NALCN: variants seen among roughly 807,000 people sequenced by gnomAD.
The protein encoded by NALCN is sodium leak channel NALCN.
A neutral mutation model predicts 225.3 loss-of-function variants in NALCN; 111 were observed. The observed-to-expected ratio is 0.49, with a 90% CI of 0.42 to 0.58. The LOEUF (loss-of-function observed/expected upper bound fraction) is 0.58, where lower values mean the gene tolerates loss of function less well. Among genes scored for constraint, NALCN ranks in the 20% least tolerant of loss-of-function variants. The pLI is 0.00. For synonymous variants in NALCN, 764 were observed against 769.0 expected (o/e 0.99, Z 0.11); for missense variants, 1,378 against 2,202.4 (o/e 0.63, Z 7.49).
chr13:101,210,331 G>T (rs1258395405), intron 13 of NALCN, among the ~76,000 whole-genome samples: 2 of 152,038 alleles, frequency 1.3e-5, no homozygotes. Context: ...GCAGAAGTAG[G>T]CATTTTAGTC....
rs1376297791 is a variant in NALCN at position 101,089,420 on chromosome 13, C to T, written c.3489+243G>A. On this transcript the variant is annotated intron_variant, in intron 30 of 43. Transcript: ENST00000251127. The surrounding 1 kb of genome is among the most constrained non-coding windows in gnomAD (Gnocchi z 4.7). Reference sequence around the variant, plus strand: ...TTTGAACAATAGGAGACGCGCCTCTCAGTTGTCGGTGAATTAATGACACTG... The same window carrying T: ...TTTGAACAATAGGAGACGCGCCTCTTAGTTGTCGGTGAATTAATGACACTG... Among the ~76,000 whole-genome samples the T allele has an allele frequency of 6.6e-6, 1 of 152,196 alleles. No homozygotes were observed. Among genetic ancestry groups the T allele is most frequent in the African/African-American group, 2.4e-5 (1 of 41,464 alleles).
Position 101,283,939 on chromosome 13 carries a change from G to A in NALCN, c.1128C>T (p.Cys376=). 1 of 1,610,948 alleles carries A rather than the reference G, an allele frequency of 6.2e-7. No homozygotes were observed. The highest frequency in any genetic ancestry group is 8.5e-7 in the Non-Finnish European group (1 of 1,179,084). Residue 376 remains cysteine, a synonymous_variant, in exon 10 of 44, where the codon TGC becomes TGT. Coordinates refer to ENST00000251127, the MANE Select transcript of NALCN (RefSeq NM_052867.4). ...AAATGTCATTGTACTGCACCTGGAG[G>A]CAGGCTGGGGCGCGTCCCTGGGGCT... ...VNKPQGRAPA[C]LQKMMRSSVF... is the part of the protein sequence containing the mutation.
At chr13:101,169,804 T>G (rs1249284206) in intron 15 of NALCN, among the ~76,000 whole-genome samples, 9 of 152,212 alleles carry the variant, frequency 5.9e-5, no homozygotes, top group African/African-American at 2.2e-4. Flanking sequence ...CTTTAATATT[T>G]AGGATTAAAT....
intron 20 of NALCN, 105 bp downstream of exon 20, chr13:101,110,514 A>G (rs1339745077): frequency 1.7e-6 from 2 of 1,203,320 alleles, no homozygotes; most frequent in African/African-American, 1.5e-5. Flanking sequence ...AGTCTTAAGG[A>G]GACATGGGAA....
At chr13:101,191,511 T>A (rs1175908189) in intron 14 of NALCN, among the ~76,000 whole-genome samples, 1 of 152,196 alleles carries the variant, frequency 6.6e-6, no homozygotes, top group East Asian at 1.9e-4. Flanking sequence ...ATAGCTTCTG[T>A]CTTCAGTTTA....
At chr13:101,082,665 A>T (rs1404964786) in intron 33 of NALCN, 144 bp downstream of exon 33, 6 of 783,370 alleles carry the variant, frequency 7.7e-6, no homozygotes, top group East Asian at 5.0e-5. Context: ...GTTAAGCAGA[A>T]CCGCTTAAGT....
At chr13:101,250,485 T>C (rs1241136881) in intron 11 of NALCN, among the ~76,000 whole-genome samples, 1 of 152,020 alleles carries the variant, frequency 6.6e-6, no homozygotes, top group Non-Finnish European at 1.5e-5. Flanking sequence ...AAACCTGATA[T>C]ATGACAGAAA....
chr13:101,278,288 G>A lies in NALCN; in HGVS notation c.1134+5645C>T, dbSNP rs368664985. Among the ~76,000 whole-genome samples the A allele has an allele frequency of 3.9e-5, 6 of 152,194 alleles. No individual in the cohort carries two copies. The East Asian group carries it at 7.7e-4, about 20-fold the overall frequency. On this transcript the variant is annotated intron_variant, in intron 10 of 43. Coordinates refer to ENST00000251127, the MANE Select transcript of NALCN (RefSeq NM_052867.4). ...ACCTGTAATCCCAGCACTTTGGGAG[G>A]CCGAGGTGGGCGGATCATGAGGTCA...
chr13:101,163,374 G>A (rs2038282615), intron 15 of NALCN, among the ~76,000 whole-genome samples: 1 of 152,110 alleles, frequency 6.6e-6, no homozygotes, highest in African/African-American at 2.4e-5. Context: ...CATGGTAAGA[G>A]AGATCATGCT....
At position 101,368,301 on chromosome 13, in the gene NALCN, A is replaced by G. The variant is rs533561499; in HGVS notation, c.644+8399T>C. On this transcript the variant is annotated intron_variant, in intron 6 of 43. Coordinates refer to ENST00000251127, the MANE Select transcript of NALCN (RefSeq NM_052867.4). ...AGTTTACTGAGAATGATGATTTCCAATTTCATCCACGTCCCTACCAAGGAC... is the reference window on the plus strand; with the variant it reads ...AGTTTACTGAGAATGATGATTTCCAGTTTCATCCACGTCCCTACCAAGGAC... Among the ~76,000 whole-genome samples the G allele has an allele frequency of 8.6e-5, 13 of 151,794 alleles. No homozygotes were observed. In the East Asian group the frequency reaches 2.5e-3, roughly 30 times the overall value.
At chr13:101,217,008 C>A (rs1594457275) in intron 13 of NALCN, among the ~76,000 whole-genome samples, 1 of 152,176 alleles carries the variant, frequency 6.6e-6, no homozygotes, top group East Asian at 1.9e-4. Context: ...ATTTATACAA[C>A]CGCTAAACAT....
intron 13 of NALCN, among the ~76,000 whole-genome samples, chr13:101,221,407 C>A (rs912795467): frequency 2.0e-5 from 3 of 152,122 alleles, no homozygotes; most frequent in Non-Finnish European, 4.4e-5. Context: ...ATGAGCCCTG[C>A]ACCTGGCCAA....
At position 101,055,328 on chromosome 13, in the gene NALCN, G is replaced by T; in HGVS notation, c.5184C>A (p.Ser1728Arg). Residue 1728 changes from serine (S) to arginine (R), a missense_variant, in exon 44 of 44, where the codon AGC becomes AGA. Around this residue, in one of 19 missense-constraint regions of NALCN, gnomAD observed 145 missense variants for 169.6 expected, o/e 0.85. Transcript: ENST00000251127. The stretch of plus-strand genomic sequence containing the variant: ...CCAGAAGGTCATCCCCACTTTCGTC[G>T]CTCTCCACAGTCAGCTGCCGGGTCC... Reference protein sequence around the residue: ...KWWTRQLTVESDESGDDLLDI With the variant: ...KWWTRQLTVERDESGDDLLDI 6.2e-7 allele frequency: 1 copy of T among 1,613,362 alleles called. No homozygotes were observed. The highest frequency in any genetic ancestry group is 8.5e-7 in the Non-Finnish European group (1 of 1,179,686).
intron 18 of NALCN, among the ~76,000 whole-genome samples, chr13:101,117,241 C>T (rs778984456): frequency 5.3e-5 from 8 of 152,170 alleles, no homozygotes; most frequent in Non-Finnish European, 1.2e-4. Flanking sequence ...ATCTTACGCA[C>T]TTATACCCAT....
intron 7 of NALCN, among the ~76,000 whole-genome samples, chr13:101,329,897 G>C (rs1039151454): frequency 6.6e-6 from 1 of 151,636 alleles, no homozygotes; most frequent in Non-Finnish European, 1.5e-5. Flanking sequence ...AAATTAGCCG[G>C]GCGTGGTGGC....
At chr13:101,123,050 G>A (rs889599906) in intron 18 of NALCN, among the ~76,000 whole-genome samples, 1 of 152,178 alleles carries the variant, frequency 6.6e-6, no homozygotes, top group African/African-American at 2.4e-5. Context: ...TGAGAGAGGG[G>A]TAAATAAGGA....
Position 101,237,930 on chromosome 13 carries a change from A to C in NALCN, c.1267-8T>G. On this transcript the variant is annotated splice_polypyrimidine_tract_variant and splice_region_variant and intron_variant, in intron 11 of 43. Coordinates refer to ENST00000251127, the MANE Select transcript of NALCN (RefSeq NM_052867.4). Reference sequence around the variant, plus strand: ...AAGTACTGTAAAAGCCACCTAGAGAAACAAAGAAACATTGAAATTGAAATT... The same window carrying C: ...AAGTACTGTAAAAGCCACCTAGAGACACAAAGAAACATTGAAATTGAAATT... The C allele has an allele frequency of 6.3e-7, 1 of 1,585,970 alleles. No homozygotes were observed.
chr13:101,101,039 C>G, intron 26 of NALCN, 151 bp from the exon 27 acceptor site: 1 of 513,918 alleles, frequency 1.9e-6, no homozygotes. Flanking sequence ...CCATAGGTCA[C>G]ACAATTAGCC....
chr13:101,298,147 C>G (rs1227299316), intron 7 of NALCN, among the ~76,000 whole-genome samples: 1 of 152,170 alleles, frequency 6.6e-6, no homozygotes, highest in Non-Finnish European at 1.5e-5. Flanking sequence ...ATTTGCTCAA[C>G]TACATTTGCA....
Sources: gnomAD v4.1 joint callset for allele counts (sites outside exome capture counted in the v4.1 genomes callset) on GRCh38, gnomAD v4.1.1 for gene constraint, gnomAD v4.1.1 regional missense constraint, Gnocchi (gnomAD v3.1) non-coding constraint, MANE v1.5 for transcripts, NCBI Gene and HGNC (gene_info 2026-07-23, HGNC 2026-07-21) for gene names.